EXOC4: variants seen among roughly 807,000 people sequenced by gnomAD.
EXOC4 encodes exocyst complex component 4, also known as SEC8-like 1.
A neutral mutation model predicts 107.2 loss-of-function variants in EXOC4; 71 were observed. The observed-to-expected ratio is 0.66, with a 90% CI of 0.55 to 0.81. EXOC4 has a LOEUF of 0.81. EXOC4 is among the 30% of genes least tolerant of loss of function. The probability of loss-of-function intolerance (pLI) is 0.00; values close to 1 mark genes in which losing one functional copy is unlikely to be tolerated. For missense variants in EXOC4, 1,108 were observed against 1,189.6 expected, an observed-to-expected ratio of 0.93 and a Z score of 1.01; for synonymous variants, 456 against 441.2, an observed-to-expected ratio of 1.03 and a Z score of -0.42.
chr7:133,588,604 A>G (rs1801462703), intron 9 of EXOC4, among the ~76,000 whole-genome samples: 1 of 152,086 alleles, frequency 6.6e-6, no homozygotes, highest in Non-Finnish European at 1.5e-5. Context: ...CTAATAATTA[A>G]ATATATGGCC....
chr7:133,542,022 C>CTAAAATGCATTT (rs1800390245), intron 9 of EXOC4, among the ~76,000 whole-genome samples: 1 of 152,002 alleles, frequency 6.6e-6, no homozygotes, highest in African/African-American at 2.4e-5. Context: ...TTTTAGGACA[C>CTAAAATGCATTT]AGTGTAAGTG....
At chr7:133,899,806 C>T (rs547401504) in intron 12 of EXOC4, among the ~76,000 whole-genome samples, 9 of 136,450 alleles carry the variant, frequency 6.6e-5, no homozygotes, top group Admixed American at 5.1e-4. Flanking sequence ...AGTGCAGTGG[C>T]GCAATCTTGG....
chr7:134,000,361 A>G (rs917618503), intron 15 of EXOC4, among the ~76,000 whole-genome samples: 3 of 152,178 alleles, frequency 2.0e-5, no homozygotes, highest in African/African-American at 7.2e-5. Flanking sequence ...GGTGTCTGCT[A>G]AGTGCTCTGG....
intron 17 of EXOC4, among the ~76,000 whole-genome samples, chr7:134,043,449 T>G (rs918438754): frequency 6.6e-5 from 10 of 152,218 alleles, no homozygotes; most frequent in African/African-American, 2.4e-4. Flanking sequence ...CAGAAACATT[T>G]GGGTCACAAA....
the EXOC4 span, among the ~76,000 whole-genome samples, chr7:134,082,293 A>G: frequency 2.0e-5 from 3 of 152,118 alleles, no homozygotes; most frequent in Non-Finnish European, 4.4e-5. Context: ...CCCTTTTTAT[A>G]TAGGGTAACT....
intron 5 of EXOC4, among the ~76,000 whole-genome samples, chr7:133,330,692 G>A (rs915879094): frequency 6.6e-6 from 1 of 151,938 alleles, no homozygotes; most frequent in African/African-American, 2.4e-5. Flanking sequence ...GTCCCTCACA[G>A]CTTCTGTTGG....
intron 7 of EXOC4, among the ~76,000 whole-genome samples, chr7:133,406,018 T>C (rs1387422731): frequency 6.6e-6 from 1 of 152,214 alleles, no homozygotes; most frequent in South Asian, 2.1e-4. Flanking sequence ...AGATAAACTA[T>C]GTCCATTATT....
chr7:133,844,255 G>C lies in EXOC4; in HGVS notation c.1734+26711G>C, dbSNP rs564738964. ...CCGGCTCTTCTTTATACATCTGGTA[G>C]AATTCAGCTCTGTCAATTTCTGTCA... is the stretch of plus-strand genomic sequence containing the variant. On this transcript the variant is annotated intron_variant, in intron 11 of 17. Coordinates refer to ENST00000253861, the MANE Select transcript of EXOC4 (RefSeq NM_021807.4). Among the ~76,000 whole-genome samples, 37 of 151,464 alleles carry C rather than the reference G, an allele frequency of 2.4e-4. 1 individual carries two copies. In the South Asian group the frequency reaches 7.4e-3, roughly 30 times the overall value.
chr7:133,325,377 C>T (rs530319270), intron 5 of EXOC4, among the ~76,000 whole-genome samples: 1 of 152,150 alleles, frequency 6.6e-6, no homozygotes, highest in Non-Finnish European at 1.5e-5. Context: ...TTTAGTGCTT[C>T]CTTCAGGAGC....
At chr7:134,044,977 T>G (rs1207817807) in intron 17 of EXOC4, among the ~76,000 whole-genome samples, 1 of 152,198 alleles carries the variant, frequency 6.6e-6, no homozygotes, top group East Asian at 1.9e-4. Context: ...ACTTTAACCC[T>G]GAAAGTATAA....
intron 10 of EXOC4, among the ~76,000 whole-genome samples, chr7:133,783,458 G>C (rs1796507719): frequency 1.3e-5 from 2 of 152,296 alleles, no homozygotes; most frequent in African/African-American, 4.8e-5. Context: ...CCTATTTGTG[G>C]TTCCCTTAGG....
intron 10 of EXOC4, among the ~76,000 whole-genome samples, chr7:133,713,693 G>T (rs186749490): frequency 2.8e-4 from 43 of 152,130 alleles, no homozygotes; most frequent in African/African-American, 8.9e-4. Context: ...TGCTGTTCTC[G>T]TGATAGTGAA....
Position 133,274,986 on chromosome 7 carries a change from CTG to C in EXOC4, c.93_94del (p.Ser32TyrfsTer2). On this transcript the variant is annotated frameshift_variant, in exon 2 of 18. Transcript: ENST00000253861. LOFTEE classifies it high-confidence loss of function. ...TATACTCTCTGCCTTCACCAGGACT[CTG>C]TCTACTAGTGACGATGTCGAAGACA... ...SGLLISVIRT[L>X]STSDDVEDRE... 1 of 1,599,952 alleles carries C rather than the reference CTG, an allele frequency of 6.3e-7. No individual in the cohort carries two copies. Among genetic ancestry groups the C allele is most frequent in the Non-Finnish European group, 8.5e-7 (1 of 1,173,272 alleles).
intron 17 of EXOC4, among the ~76,000 whole-genome samples, chr7:134,054,026 A>G (rs1433868636): frequency 6.6e-6 from 1 of 151,926 alleles, no homozygotes; most frequent in Non-Finnish European, 1.5e-5. Flanking sequence ...GCTCACTGCA[A>G]CCTCCACCTC....
At chr7:133,395,224 T>A (rs967663627) in intron 7 of EXOC4, among the ~76,000 whole-genome samples, 2 of 151,920 alleles carry the variant, frequency 1.3e-5, no homozygotes, top group African/African-American at 2.4e-5. Context: ...AGCACTCACA[T>A]TAAGGAAAGT....
chr7:134,017,923 A>G (rs1208275735), intron 17 of EXOC4, among the ~76,000 whole-genome samples: 1 of 152,114 alleles, frequency 6.6e-6, no homozygotes, highest in Non-Finnish European at 1.5e-5. Flanking sequence ...AGACAGTGAC[A>G]CTCTTCCCTT....
chr7:133,582,717 A>G (rs1265081087), intron 9 of EXOC4, among the ~76,000 whole-genome samples: 1 of 152,206 alleles, frequency 6.6e-6, no homozygotes, highest in African/African-American at 2.4e-5. Context: ...ATGATTAAAA[A>G]TAAAAAAATT....
chr7:133,520,837 A>G (rs982858950), intron 9 of EXOC4, among the ~76,000 whole-genome samples: 2 of 152,048 alleles, frequency 1.3e-5, no homozygotes, highest in Non-Finnish European at 2.9e-5. Flanking sequence ...ACAGCTCAGT[A>G]AAAGAGTGAA....
intron 1 of EXOC4, among the ~76,000 whole-genome samples, chr7:133,262,680 T>C (rs1352563094): frequency 6.6e-6 from 1 of 152,344 alleles, no homozygotes; most frequent in East Asian, 1.9e-4. Flanking sequence ...TCTCAGGTCC[T>C]ACCTGACCTA....
Sources: gnomAD v4.1 joint callset for allele counts (sites outside exome capture counted in the v4.1 genomes callset) on GRCh38, gnomAD v4.1.1 for gene constraint, MANE v1.5 for transcripts, NCBI Gene and HGNC (gene_info 2026-07-23, HGNC 2026-07-21) for gene names.